The following C8orf34 variants were observed in gnomAD, a reference collection of about 807,000 sequenced individuals.
C8orf34 encodes uncharacterized protein C8orf34.
In C8orf34, 65 loss-of-function variants were observed where a neutral mutation model predicts 68.3. The ratio of observed to expected loss-of-function variants is 0.95; its 90% confidence interval spans 0.78 to 1.17. The LOEUF is 1.17. C8orf34 is among the 50% of genes most tolerant of loss of function. C8orf34 has a pLI of 0.00. For missense variants in C8orf34, 664 were observed against 655.4 expected, an observed-to-expected ratio of 1.01 and a Z score of -0.14; for synonymous variants, 244 against 241.2, an observed-to-expected ratio of 1.01 and a Z score of -0.11.
intron 10 of C8orf34, among the ~76,000 whole-genome samples, chr8:68,752,089 T>G (rs1822724257): frequency 6.6e-6 from 1 of 152,112 alleles, no homozygotes; most frequent in African/African-American, 2.4e-5. Flanking sequence ...TATTAAGAAG[T>G]CTTCCAACAT....
intron 10 of C8orf34, among the ~76,000 whole-genome samples, chr8:68,727,931 G>A (rs1017182078): frequency 2.6e-5 from 4 of 152,216 alleles, no homozygotes; most frequent in African/African-American, 9.6e-5. Context: ...ATTTTGTCTT[G>A]AGGATTAACA....
At chr8:68,404,929 T>C (rs778863757) in intron 1 of C8orf34, among the ~76,000 whole-genome samples, 1 of 152,176 alleles carries the variant, frequency 6.6e-6, no homozygotes, top group Non-Finnish European at 1.5e-5. Flanking sequence ...TTGATGGGGA[T>C]AGCATTGAAT....
intron 13 of C8orf34, among the ~76,000 whole-genome samples, chr8:68,816,424 A>T (rs758528669): frequency 5.9e-5 from 9 of 152,156 alleles, no homozygotes; most frequent in Non-Finnish European, 1.2e-4. Flanking sequence ...GATAAAAAAT[A>T]AAACACTTTG....
At chr8:68,800,678 T>C (rs1348407464) in intron 12 of C8orf34, among the ~76,000 whole-genome samples, 4 of 152,178 alleles carry the variant, frequency 2.6e-5, no homozygotes, top group Non-Finnish European at 4.4e-5. Flanking sequence ...GGTAGTCTCA[T>C]TGACTCATAA....
intron 4 of C8orf34, among the ~76,000 whole-genome samples, chr8:68,485,049 G>A (rs1284244838): frequency 6.6e-6 from 1 of 152,080 alleles, no homozygotes; most frequent in African/African-American, 2.4e-5. Context: ...TGTATTCTGG[G>A]GTCCATTACT....
chr8:68,586,377 T>G (rs1817210594), intron 7 of C8orf34, among the ~76,000 whole-genome samples: 1 of 152,314 alleles, frequency 6.6e-6, no homozygotes, highest in South Asian at 2.1e-4. Flanking sequence ...GTTTGGCCAC[T>G]TCCTTGTTGT....
intron 7 of C8orf34, among the ~76,000 whole-genome samples, chr8:68,587,308 A>C (rs541825307): frequency 6.6e-6 from 1 of 152,284 alleles, no homozygotes; most frequent in East Asian, 1.9e-4. Context: ...ATTACTGAAC[A>C]GATAATCTAT....
chr8:68,796,356 G>C (rs34931177), intron 12 of C8orf34, among the ~76,000 whole-genome samples: 44,879 of 151,958 alleles, frequency 0.3, 7,368 homozygotes, highest in African/African-American at 0.44. Flanking sequence ...CTTTCTGCAA[G>C]TGTTTCTCTA....
intron 1 of C8orf34, among the ~76,000 whole-genome samples, chr8:68,334,873 T>C (rs2129617767): frequency 6.6e-6 from 1 of 152,318 alleles, no homozygotes; most frequent in East Asian, 1.9e-4. Flanking sequence ...GCATCACTTA[T>C]ATATTTTGCT....
At chr8:68,776,559 G>A (rs1209978843) in intron 11 of C8orf34, 110 bp downstream of exon 11, 2 of 788,646 alleles carry the variant, frequency 2.5e-6, no homozygotes, top group Admixed American at 2.5e-5. Context: ...GTCTGTATGT[G>A]TTCAATGGTC....
At chr8:68,347,317 G>C (rs957458800) in intron 1 of C8orf34, among the ~76,000 whole-genome samples, 4 of 152,092 alleles carry the variant, frequency 2.6e-5, no homozygotes, top group Non-Finnish European at 5.9e-5. Flanking sequence ...CGGCTGCATA[G>C]CATTCCATGG....
chr8:68,654,925 CT>C (rs1179803607), intron 8 of C8orf34, among the ~76,000 whole-genome samples: 1 of 152,076 alleles, frequency 6.6e-6, no homozygotes, highest in African/African-American at 2.4e-5. Context: ...TAAAATTACA[CT>C]TTTGAAAGAT....
In C8orf34 at chr8:68,817,941, A is replaced by G. The variant is rs148718073; in HGVS notation, c.1610-298A>G. Among the ~76,000 whole-genome samples the G allele has an allele frequency of 5.3e-5, 8 of 152,238 alleles. 1 individual carries two copies. The highest frequency in any genetic ancestry group is 1.7e-4 in the African/African-American group (7 of 41,554). The stretch of plus-strand genomic sequence containing the variant: ...TGGGGGAAATCATACCCATGATTCA[A>G]TTACCTCCACCTGGTATCTCCCTTG... On this transcript the variant is annotated intron_variant, in intron 13 of 13. Coordinates refer to ENST00000518698, the MANE Select transcript of C8orf34 (RefSeq NM_052958.4).
intron 10 of C8orf34, among the ~76,000 whole-genome samples, chr8:68,748,303 C>T (rs9772448): frequency 0.7 from 94,653 of 136,052 alleles, 33,428 homozygotes; most frequent in African/African-American, 0.75. Flanking sequence ...ACCTAGGCAT[C>T]ACCATTCAGG....
At chr8:68,421,185 C>G (rs1482637287) in intron 1 of C8orf34, among the ~76,000 whole-genome samples, 1 of 152,158 alleles carries the variant, frequency 6.6e-6, no homozygotes, top group African/African-American at 2.4e-5. Context: ...CTCACTTTCC[C>G]TGTTCCTCTA....
chr8:68,533,019 G>A lies in C8orf34; in HGVS notation c.975G>A (p.Gln325=), dbSNP rs768196523. The A allele has an allele frequency of 1.1e-5, 17 of 1,607,594 alleles. No homozygotes were observed. The highest frequency in any genetic ancestry group is 2.6e-6 in the Non-Finnish European group (3 of 1,175,428). The change falls in exon 7 of 14, where the codon CAG becomes CAA. Residue 325 remains glutamine (Q), a synonymous_variant. Transcript: ENST00000518698. ...KMEPKNKGLK[Q]QQQQHKKLLA... is the part of the protein sequence containing the mutation. ...AGCCTAAGAACAAAGGATTAAAACA[G>A]CAGCAACAGCAACATAAGAAACTCC...
intron 1 of C8orf34, among the ~76,000 whole-genome samples, chr8:68,384,822 A>G (rs191655432): frequency 2.6e-5 from 4 of 152,294 alleles, no homozygotes; most frequent in Admixed American, 2.0e-4. Context: ...TAATAATAAC[A>G]TGATGGAACC....
At chr8:68,735,391 A>T (rs995560012) in intron 10 of C8orf34, among the ~76,000 whole-genome samples, 2 of 152,238 alleles carry the variant, frequency 1.3e-5, no homozygotes, top group Non-Finnish European at 2.9e-5. Flanking sequence ...AGCATTAACG[A>T]TAACACGTAG....
chr8:68,754,089 T>C (rs1822784042), intron 10 of C8orf34, among the ~76,000 whole-genome samples: 1 of 137,414 alleles, frequency 7.3e-6, no homozygotes, highest in African/African-American at 3.3e-5. Flanking sequence ...GTGAATGGAT[T>C]AACTGGAAAA....
Sources: gnomAD v4.1 joint callset for allele counts (sites outside exome capture counted in the v4.1 genomes callset) on GRCh38, gnomAD v4.1.1 for gene constraint, MANE v1.5 for transcripts, NCBI Gene and HGNC (gene_info 2026-07-23, HGNC 2026-07-21) for gene names.